B3GALT1: variants seen among roughly 807,000 people sequenced by gnomAD.
The protein encoded by B3GALT1 is UDP-Gal:betaGlcNAc beta 1,3-galactosyltransferase, polypeptide 1.
In B3GALT1, 10 loss-of-function variants were observed where a neutral mutation model predicts 23.2. The observed-to-expected ratio is 0.43, with a 90% CI of 0.27 to 0.73. The LOEUF is 0.73. B3GALT1 is among the 30% of genes least tolerant of loss of function. B3GALT1 has a pLI of 0.21. For missense variants in B3GALT1, 299 were observed against 405.4 expected, an observed-to-expected ratio of 0.74 and a Z score of 2.25; for synonymous variants, 156 against 141.5, an observed-to-expected ratio of 1.10 and a Z score of -0.73.
chr2:167,565,790 A>G (rs1684150617), intron 2 of B3GALT1, among the ~76,000 whole-genome samples: 1 of 152,102 alleles, frequency 6.6e-6, no homozygotes, highest in East Asian at 1.9e-4. Flanking sequence ...GCAAATCAAA[A>G]CCACAATGAG....
chr2:167,368,273 T>A (rs2105267486), intron 1 of B3GALT1, among the ~76,000 whole-genome samples: 1 of 152,346 alleles, frequency 6.6e-6, no homozygotes, highest in Non-Finnish European at 1.5e-5. Context: ...TTGGAATTTA[T>A]CCCAATTTTT....
chr2:167,355,497 A>G (rs1258209311), intron 1 of B3GALT1, among the ~76,000 whole-genome samples: 1 of 152,186 alleles, frequency 6.6e-6, no homozygotes, highest in Admixed American at 6.5e-5. Context: ...ATCAATAATT[A>G]CAGTAGGTTG....
chr2:167,698,000 G>C (rs1256281671), intron 3 of B3GALT1, among the ~76,000 whole-genome samples: 1 of 152,088 alleles, frequency 6.6e-6, no homozygotes, highest in Admixed American at 6.6e-5. Context: ...ATGTAGCATT[G>C]GAAATGTATT....
chr2:167,854,075 T>C (rs1689955244), intron 4 of B3GALT1, among the ~76,000 whole-genome samples: 1 of 152,222 alleles, frequency 6.6e-6, no homozygotes, highest in South Asian at 2.1e-4. Context: ...GATTGATTTA[T>C]TTAGTTTATG....
intron 4 of B3GALT1, among the ~76,000 whole-genome samples, chr2:167,862,372 A>C (rs2105433082): frequency 2.0e-5 from 3 of 152,312 alleles, no homozygotes; most frequent in Middle Eastern, 6.8e-3. Context: ...GCTCAGGAGG[A>C]GATGCATGTC....
At chr2:167,760,962 T>C (rs1227867996) in intron 3 of B3GALT1, among the ~76,000 whole-genome samples, 2 of 152,208 alleles carry the variant, frequency 1.3e-5, no homozygotes, top group Non-Finnish European at 2.9e-5. Flanking sequence ...GAACACAGCA[T>C]ATGTGAGCCT....
In B3GALT1 at chr2:167,872,329, G is replaced by T. The variant is rs836705; in HGVS notation, c.*2309G>T. 0.46 allele frequency: 69,966 copies of T among 151,994 alleles called. 19,160 individuals carry two copies. Among genetic ancestry groups the T allele is most frequent in the African/African-American group, 0.75 (31,122 of 41,446 alleles). The allele number at this position is 151,994 out of a possible 1,614,324, so 9.4% of individuals were successfully genotyped here. On this transcript the variant is annotated 3_prime_UTR_variant, in exon 5 of 5. Coordinates refer to ENST00000392690, the MANE Select transcript of B3GALT1 (RefSeq NM_020981.4). ...AAACACGATCTCTCATCCCCCACCC[G>T]AAAGGACCTGATATGAGACAAGACT...
At chr2:167,339,181 A>T (rs1697109444) in intron 1 of B3GALT1, among the ~76,000 whole-genome samples, 1 of 152,190 alleles carries the variant, frequency 6.6e-6, no homozygotes, top group African/African-American at 2.4e-5. Context: ...CATTGACTGA[A>T]ATGGCAAAGA....
intron 2 of B3GALT1, among the ~76,000 whole-genome samples, chr2:167,600,842 A>G (rs1356319405): frequency 1.3e-5 from 2 of 150,424 alleles, no homozygotes; most frequent in Non-Finnish European, 3.0e-5. Flanking sequence ...AACTTTGGTT[A>G]TGATGAATAA....
At chr2:167,809,902 C>T (rs1399837374) in intron 3 of B3GALT1, among the ~76,000 whole-genome samples, 2 of 152,214 alleles carry the variant, frequency 1.3e-5, no homozygotes, top group Non-Finnish European at 2.9e-5. Flanking sequence ...CAGAGGCAGG[C>T]AGGCCTCCTT....
intron 1 of B3GALT1, among the ~76,000 whole-genome samples, chr2:167,400,500 C>G: frequency 6.6e-6 from 1 of 151,950 alleles, no homozygotes; most frequent in Non-Finnish European, 1.5e-5. Flanking sequence ...TGTCTATTTC[C>G]TATCTGCTTT....
chr2:167,471,677 C>T (rs1699419980), intron 1 of B3GALT1, among the ~76,000 whole-genome samples: 2 of 152,160 alleles, frequency 1.3e-5, no homozygotes, highest in African/African-American at 4.8e-5. Flanking sequence ...AATGAAAACA[C>T]TGCCTAATGT....
At chr2:167,459,476 C>G (rs6755604) in intron 1 of B3GALT1, among the ~76,000 whole-genome samples, 9,968 of 152,152 alleles carry the variant, frequency 0.066, 429 homozygotes, top group African/African-American at 0.13. Context: ...AAAACATAAA[C>G]TAATGGTGGT....
rs184751154 is a variant in B3GALT1, at chr2:167,399,249, A to G, written c.-510-90928A>G. Among the ~76,000 whole-genome samples the G allele has an allele frequency of 3.3e-5, 5 of 152,230 alleles. 1 individual carries two copies. The stretch of plus-strand genomic sequence containing the variant: ...AATTGAGTTAGAAGCCTCCGACTAG[A>G]AAACATCTTCAAAACATGTGTCAAG... On this transcript the variant is annotated intron_variant, in intron 1 of 4. Transcript: ENST00000392690.
chr2:167,746,950 T>A (rs977278317), intron 3 of B3GALT1, among the ~76,000 whole-genome samples: 4 of 152,204 alleles, frequency 2.6e-5, no homozygotes, highest in Non-Finnish European at 5.9e-5. Flanking sequence ...ACATTCAGAT[T>A]AAAGAGATAA....
intron 2 of B3GALT1, among the ~76,000 whole-genome samples, chr2:167,622,773 G>A (rs543762225): frequency 9.9e-5 from 15 of 152,160 alleles, no homozygotes; most frequent in African/African-American, 3.6e-4. Flanking sequence ...ATATGCAAAA[G>A]CATTATGTTA....
intron 3 of B3GALT1, among the ~76,000 whole-genome samples, chr2:167,784,129 G>C (rs556565369): frequency 6.6e-6 from 1 of 151,958 alleles, no homozygotes; most frequent in Non-Finnish European, 1.5e-5. Flanking sequence ...CCTGCCCTTC[G>C]CTGTCCCCAG....
At chr2:167,462,335 A>G (rs2105326178) in intron 1 of B3GALT1, among the ~76,000 whole-genome samples, 1 of 152,324 alleles carries the variant, frequency 6.6e-6, no homozygotes, top group South Asian at 2.1e-4. Context: ...ACGCAATTGG[A>G]CTGTGCCATA....
intron 2 of B3GALT1, among the ~76,000 whole-genome samples, chr2:167,614,734 T>G (rs1685128019): frequency 6.6e-6 from 1 of 152,034 alleles, no homozygotes; most frequent in Non-Finnish European, 1.5e-5. Flanking sequence ...TAAATGCAAA[T>G]TGGATTTATA....
Sources: gnomAD v4.1 joint callset for allele counts (sites outside exome capture counted in the v4.1 genomes callset) on GRCh38, gnomAD v4.1.1 for gene constraint, MANE v1.5 for transcripts, NCBI Gene and HGNC (gene_info 2026-07-23, HGNC 2026-07-21) for gene names.